VSNL1: variants seen among roughly 807,000 people sequenced by gnomAD.
VSNL1 encodes the protein visinin like 1, also known as visinin-like protein 1.
VSNL1 carries 6 observed loss-of-function variants against 20.4 expected under a neutral mutation model. The observed-to-expected ratio is 0.29, with a 90% CI of 0.16 to 0.58. The LOEUF (loss-of-function observed/expected upper bound fraction) is 0.58. VSNL1 is among the 20% of genes least tolerant of loss of function. The pLI is 0.90. For missense variants in VSNL1, 100 were observed against 234.5 expected, an observed-to-expected ratio of 0.43 and a Z score of 3.75; for synonymous variants, 93 against 86.4, an observed-to-expected ratio of 1.08 and a Z score of -0.42.
intron 2 of VSNL1, among the ~76,000 whole-genome samples, chr2:17,608,980 C>T (rs933470237): frequency 6.6e-6 from 1 of 152,114 alleles, no homozygotes; most frequent in African/African-American, 2.4e-5. Context: ...GTCTGATTTT[C>T]TACATACATA....
intron 2 of VSNL1, among the ~76,000 whole-genome samples, chr2:17,613,414 G>T (rs1373678101): frequency 1.3e-5 from 2 of 152,164 alleles, no homozygotes; most frequent in Admixed American, 1.3e-4. Context: ...AGACCGTCAT[G>T]GCCAAATTCA....
At chr2:17,619,782 A>G (rs1238580133) in intron 2 of VSNL1, among the ~76,000 whole-genome samples, 5 of 152,040 alleles carry the variant, frequency 3.3e-5, no homozygotes, top group African/African-American at 1.2e-4. Flanking sequence ...CATTCACTGA[A>G]TAAAGATTTA....
At chr2:17,575,177 G>A (rs1664178171) in intron 1 of VSNL1, among the ~76,000 whole-genome samples, 1 of 152,156 alleles carries the variant, frequency 6.6e-6, no homozygotes, top group South Asian at 2.1e-4. Flanking sequence ...CTTCCTTCTG[G>A]ATTGCAGGTA....
At chr2:17,581,847 T>G (rs1230367150) in intron 1 of VSNL1, among the ~76,000 whole-genome samples, 1 of 152,200 alleles carries the variant, frequency 6.6e-6, no homozygotes, top group Non-Finnish European at 1.5e-5. Flanking sequence ...CAACATTTCC[T>G]GGGTATCTGT....
At chr2:17,593,223 T>C (rs1162886098) in intron 2 of VSNL1, among the ~76,000 whole-genome samples, 5 of 152,198 alleles carry the variant, frequency 3.3e-5, no homozygotes, top group Non-Finnish European at 7.3e-5. Flanking sequence ...AGAAGGGGCA[T>C]GTGTAAGAAT....
intron 2 of VSNL1, among the ~76,000 whole-genome samples, chr2:17,628,503 T>A (rs986059108): frequency 7.2e-6 from 1 of 138,952 alleles, no homozygotes; most frequent in African/African-American, 2.4e-5. Flanking sequence ...TAAGGCCTTA[T>A]TAGGCCACTG....
chr2:17,605,409 G>A (rs974998300), intron 2 of VSNL1, among the ~76,000 whole-genome samples: 1 of 152,160 alleles, frequency 6.6e-6, no homozygotes, highest in African/African-American at 2.4e-5. Context: ...GTGAAAAAAA[G>A]TTTAAGGAGG....
In VSNL1 at chr2:17,593,241, G is replaced by A. The variant is rs1458419131; in HGVS notation, c.162+1005G>A. Among the ~76,000 whole-genome samples, 7 of 152,240 alleles carry A rather than the reference G, an allele frequency of 4.6e-5. No homozygotes were observed. The East Asian group carries it at 1.3e-3, about 29-fold the overall frequency. On this transcript the variant is annotated intron_variant, in intron 2 of 3. Coordinates refer to ENST00000295156, the MANE Select transcript of VSNL1 (RefSeq NM_003385.5). ...AGGGGCATGTGTAAGAATACTCATAGCTGCACTATTCACAATGGTAAAACT... is the reference window on the plus strand; with the variant it reads ...AGGGGCATGTGTAAGAATACTCATAACTGCACTATTCACAATGGTAAAACT...
At chr2:17,605,576 G>A (rs757768767) in intron 2 of VSNL1, among the ~76,000 whole-genome samples, 133 of 152,196 alleles carry the variant, frequency 8.7e-4, no homozygotes, top group Non-Finnish European at 7.2e-4. Flanking sequence ...AAAGGCTCTC[G>A]GAGAATACAA....
At chr2:17,628,082 C>T (rs182271435) in intron 2 of VSNL1, among the ~76,000 whole-genome samples, 3 of 152,202 alleles carry the variant, frequency 2.0e-5, no homozygotes, top group East Asian at 1.9e-4. Flanking sequence ...GACACATGGC[C>T]AGAAAAAATA....
At chr2:17,646,668 A>G (rs1572221641) in intron 2 of VSNL1, among the ~76,000 whole-genome samples, 1 of 152,258 alleles carries the variant, frequency 6.6e-6, no homozygotes, top group African/African-American at 2.4e-5. Context: ...CATATTATTT[A>G]TAGATTATTA....
intron 2 of VSNL1, among the ~76,000 whole-genome samples, chr2:17,639,325 C>T (rs1665830873): frequency 1.3e-5 from 2 of 152,148 alleles, no homozygotes. Context: ...TGAAATCCAC[C>T]TTCCTCTCAC....
At chr2:17,580,561 G>A (rs370622415) in intron 1 of VSNL1, among the ~76,000 whole-genome samples, 13 of 152,288 alleles carry the variant, frequency 8.5e-5, no homozygotes, top group South Asian at 6.2e-4. Flanking sequence ...GTGTTTTCCC[G>A]TGTGACTTTT....
At chr2:17,559,670 A>C (rs1663768536) in intron 1 of VSNL1, among the ~76,000 whole-genome samples, 1 of 152,164 alleles carries the variant, frequency 6.6e-6, no homozygotes, top group African/African-American at 2.4e-5. Flanking sequence ...GGTAAATCAC[A>C]TTCATTTACT....
chr2:17,574,893 A>G (rs994954958), intron 1 of VSNL1, among the ~76,000 whole-genome samples: 4 of 152,150 alleles, frequency 2.6e-5, no homozygotes, highest in Non-Finnish European at 4.4e-5. Context: ...CAGCCTCCCA[A>G]GTAGCTGGAA....
At chr2:17,554,229 T>C (rs1558280030) in intron 1 of VSNL1, among the ~76,000 whole-genome samples, 1 of 152,130 alleles carries the variant, frequency 6.6e-6, no homozygotes, top group East Asian at 1.9e-4. Context: ...TCATAATAGG[T>C]CTATAAGTTT....
At chr2:17,564,273 C>T (rs1475192067) in intron 1 of VSNL1, among the ~76,000 whole-genome samples, 1 of 152,108 alleles carries the variant, frequency 6.6e-6, no homozygotes. Context: ...TTCCTTGAGT[C>T]TTTCCAATCT....
chr2:17,586,956 C>G (rs995322574), intron 1 of VSNL1, among the ~76,000 whole-genome samples: 21 of 152,072 alleles, frequency 1.4e-4, no homozygotes, highest in African/African-American at 5.1e-4. Context: ...AGTGAAGAGC[C>G]TAGGGCTCAA....
chr2:17,553,778 G>A (rs749548022), intron 1 of VSNL1, among the ~76,000 whole-genome samples: 18 of 143,354 alleles, frequency 1.3e-4, no homozygotes, highest in Non-Finnish European at 2.7e-4. Context: ...CGTATCTCAC[G>A]AAATTGTTGT....
Sources: allele counts gnomAD v4.1 joint callset (sites outside exome capture counted in the v4.1 genomes callset), GRCh38; gene constraint gnomAD v4.1.1; transcripts MANE v1.5; gene names NCBI Gene and HGNC (gene_info 2026-07-23, HGNC 2026-07-21).